Variants in PTPRK observed in about 807,000 individuals in gnomAD.
PTPRK encodes receptor-type tyrosine-protein phosphatase kappa.
Under a neutral mutation model 178.0 loss-of-function variants are expected in PTPRK, and 75 were observed. The ratio of observed to expected loss-of-function variants is 0.42; its 90% confidence interval spans 0.35 to 0.51. The LOEUF is 0.51. PTPRK is among the 20% of genes least tolerant of loss of function. The probability of loss-of-function intolerance (pLI) is 0.02; values close to 1 mark genes in which losing one functional copy is unlikely to be tolerated. For synonymous variants in PTPRK, 637 were observed against 620.6 expected, an observed-to-expected ratio of 1.03 and a Z score of -0.39; for missense variants, 1,441 against 1,797.8, an observed-to-expected ratio of 0.80 and a Z score of 3.59.
chr6:128,026,198 ATCT>A (rs1457414970), intron 13 of PTPRK, among the ~76,000 whole-genome samples: 3 of 152,204 alleles, frequency 2.0e-5, no homozygotes, highest in Non-Finnish European at 2.9e-5. Flanking sequence ...GGTAGACAAC[ATCT>A]TCTCTTCATG....
At chr6:128,404,306 C>T (rs942214761) in intron 1 of PTPRK, among the ~76,000 whole-genome samples, 1 of 152,228 alleles carries the variant, frequency 6.6e-6, no homozygotes, top group Non-Finnish European at 1.5e-5. Context: ...ACTAGAGACA[C>T]TTTCAAGGGC....
chr6:128,164,374 A>C (rs1448652908), intron 7 of PTPRK, among the ~76,000 whole-genome samples: 4 of 151,382 alleles, frequency 2.6e-5, no homozygotes, highest in African/African-American at 7.3e-5. Flanking sequence ...TCATTTTCAG[A>C]TGCTTTATTA....
At chr6:128,446,912 C>CT (rs1847104314) in intron 1 of PTPRK, among the ~76,000 whole-genome samples, 2 of 152,220 alleles carry the variant, frequency 1.3e-5, no homozygotes, top group African/African-American at 4.8e-5. Context: ...TCAAGTAATA[C>CT]TTTTTCTTTT....
At chr6:128,332,755 C>T (rs1447403264) in intron 2 of PTPRK, among the ~76,000 whole-genome samples, 1 of 152,144 alleles carries the variant, frequency 6.6e-6, no homozygotes, top group Non-Finnish European at 1.5e-5. Context: ...TGAGTCAGGC[C>T]TCTTTCTCAG....
chr6:127,993,691 AAT>A (rs1294555469), intron 18 of PTPRK, among the ~76,000 whole-genome samples: 1 of 151,640 alleles, frequency 6.6e-6, no homozygotes, highest in African/African-American at 2.4e-5. Context: ...AAAATAGCAC[AAT>A]GTTTTATGGA....
At chr6:128,130,965 G>A (rs1174575024) in intron 7 of PTPRK, among the ~76,000 whole-genome samples, 2 of 152,156 alleles carry the variant, frequency 1.3e-5, no homozygotes, top group Non-Finnish European at 2.9e-5. Flanking sequence ...TGTTTGTCTT[G>A]TGTCTTATAT....
Position 127,988,031 on chromosome 6 carries a change from A to G in PTPRK, c.3097-2156T>C, listed in dbSNP as rs527750397. On this transcript the variant is annotated intron_variant, in intron 21 of 29. Transcript: ENST00000368226. ...AAATATCCTGTTAAGATTTCCCACT[A>G]CAGTTGAAATATTCTTGCATTCTTA... Among the ~76,000 whole-genome samples the G allele has an allele frequency of 2.4e-4, 36 of 152,228 alleles. 1 individual carries two copies. The South Asian group carries it at 3.7e-3, about 16-fold the overall frequency.
intron 5 of PTPRK, among the ~76,000 whole-genome samples, chr6:128,233,231 G>A (rs760761874): frequency 2.6e-5 from 4 of 152,180 alleles, no homozygotes; most frequent in Non-Finnish European, 4.4e-5. Flanking sequence ...ACTGTGAGCC[G>A]TAACTACTAG....
chr6:128,292,899 T>A (rs1462780352), intron 3 of PTPRK, among the ~76,000 whole-genome samples: 2 of 151,892 alleles, frequency 1.3e-5, no homozygotes, highest in South Asian at 4.1e-4. Flanking sequence ...TGAATGCCTA[T>A]CTTGCAAACA....
intron 2 of PTPRK, among the ~76,000 whole-genome samples, chr6:128,340,396 C>G (rs1420846817): frequency 6.6e-6 from 1 of 152,164 alleles, no homozygotes; most frequent in Non-Finnish European, 1.5e-5. Flanking sequence ...GGAATCCCCC[C>G]ATTCTAGCAG....
chr6:128,190,322 T>C lies in PTPRK; in HGVS notation c.869-5597A>G, dbSNP rs1182024260. Among the ~76,000 whole-genome samples the C allele has an allele frequency of 7.2e-5, 11 of 152,140 alleles. No homozygotes were observed. The East Asian group carries it at 1.9e-3, about 27-fold the overall frequency. On this transcript the variant is annotated intron_variant, in intron 6 of 29. Coordinates refer to ENST00000368226, the MANE Select transcript of PTPRK (RefSeq NM_002844.4). The stretch of plus-strand genomic sequence containing the variant: ...CCTTGGGAAGCCAAACAACTCATCA[T>C]AAATTTAGCTCATATTTTAGCTCAC...
At chr6:128,457,695 T>C (rs1248555499) in intron 1 of PTPRK, among the ~76,000 whole-genome samples, 1 of 152,182 alleles carries the variant, frequency 6.6e-6, no homozygotes, top group African/African-American at 2.4e-5. Flanking sequence ...TAGTCATTTA[T>C]GCATTCACAT....
chr6:128,470,239 C>A (rs925406972), intron 1 of PTPRK, among the ~76,000 whole-genome samples: 1 of 148,648 alleles, frequency 6.7e-6, no homozygotes, highest in African/African-American at 2.6e-5. Flanking sequence ...ATTAGTTATT[C>A]ATCCTTGGGT....
At chr6:128,463,973 T>C (rs1216467015) in intron 1 of PTPRK, among the ~76,000 whole-genome samples, 1 of 151,808 alleles carries the variant, frequency 6.6e-6, no homozygotes, top group Non-Finnish European at 1.5e-5. Flanking sequence ...CCAGGCGGTC[T>C]CGAACTCCCG....
chr6:128,009,811 G>T (rs1171717618), intron 13 of PTPRK, among the ~76,000 whole-genome samples: 1 of 151,092 alleles, frequency 6.6e-6, no homozygotes, highest in African/African-American at 2.4e-5. Context: ...CACAAGAGAA[G>T]AATAGGCAAA....
intron 7 of PTPRK, among the ~76,000 whole-genome samples, chr6:128,132,187 T>A (rs1291493933): frequency 1.3e-5 from 2 of 152,170 alleles, no homozygotes; most frequent in South Asian, 2.1e-4. Context: ...TTTTAATTTT[T>A]ATTTTTTGAG....
chr6:128,385,788 A>G (rs560329902), intron 2 of PTPRK, among the ~76,000 whole-genome samples: 82 of 152,330 alleles, frequency 5.4e-4, no homozygotes, highest in African/African-American at 1.9e-3. Flanking sequence ...GATCAGGTAC[A>G]TCTAACTGTT....
chr6:128,195,499 T>C (rs1024237550), intron 6 of PTPRK, among the ~76,000 whole-genome samples: 5 of 150,694 alleles, frequency 3.3e-5, no homozygotes, highest in African/African-American at 1.2e-4. Flanking sequence ...TTATTTACCC[T>C]AAGTTAATCA....
In PTPRK at chr6:128,519,929, C is replaced by T. The variant is rs752892428; in HGVS notation, c.100+330G>A. Among the ~76,000 whole-genome samples, 6 of 152,198 alleles carry T rather than the reference C, an allele frequency of 3.9e-5. No individual in the cohort carries two copies. The highest frequency in any genetic ancestry group is 8.8e-5 in the Non-Finnish European group (6 of 68,048). On this transcript the variant is annotated intron_variant, in intron 1 of 29. Coordinates refer to ENST00000368226, the MANE Select transcript of PTPRK (RefSeq NM_002844.4). This position sits in a 1 kb window ranked among gnomAD's most constrained non-coding sequence, Gnocchi z 4.3. ...AACCCGCACCACAAGCAACAGAGTG[C>T]CGTCACGGGAGTCGTAACTACTTTT... is the stretch of plus-strand genomic sequence containing the variant.
Sources: gnomAD v4.1 joint callset for allele counts (sites outside exome capture counted in the v4.1 genomes callset) on GRCh38, gnomAD v4.1.1 for gene constraint, Gnocchi (gnomAD v3.1) non-coding constraint, MANE v1.5 for transcripts, NCBI Gene and HGNC (gene_info 2026-07-23, HGNC 2026-07-21) for gene names.